Variants in ZNF503 observed in about 807,000 individuals in gnomAD.
ZNF503 encodes NocA-like zinc finger 2.
In ZNF503, 15 loss-of-function variants were observed where a neutral mutation model predicts 34.4. The observed-to-expected ratio is 0.44, with a 90% CI of 0.29 to 0.67. The LOEUF (loss-of-function observed/expected upper bound fraction) is 0.67. ZNF503 is among the 30% of genes least tolerant of loss of function. The pLI, the probability that ZNF503 is intolerant of heterozygous loss-of-function variation, is 0.13. For missense variants in ZNF503, 1,007 were observed against 926.8 expected, an observed-to-expected ratio of 1.09 and a Z score of -1.12; for synonymous variants, 580 against 456.8, an observed-to-expected ratio of 1.27 and a Z score of -3.44.
At chr10:75,370,141 C>T in the ZNF503 span, among the ~76,000 whole-genome samples, 2 of 152,046 alleles carry the variant, frequency 1.3e-5, no homozygotes, top group East Asian at 1.9e-4. Flanking sequence ...GTACAACAGA[C>T]TTCCACCTTC....
chr10:75,342,253 C>T, the ZNF503 span, among the ~76,000 whole-genome samples: 1 of 152,176 alleles, frequency 6.6e-6, no homozygotes, highest in Non-Finnish European at 1.5e-5. Flanking sequence ...GGAGTCCCTT[C>T]CTCCAGACAG....
chr10:75,303,605 G>A, the ZNF503 span, among the ~76,000 whole-genome samples: 1 of 152,206 alleles, frequency 6.6e-6, no homozygotes, highest in African/African-American at 2.4e-5. Context: ...TCTGGAGTGA[G>A]TAGACACTCT....
the ZNF503 span, among the ~76,000 whole-genome samples, chr10:75,390,283 T>C: frequency 6.6e-6 from 1 of 152,038 alleles, no homozygotes; most frequent in African/African-American, 2.4e-5. Flanking sequence ...TTTCCTCTTC[T>C]TCCTCTTTAT....
In ZNF503 at chr10:75,399,499, G is replaced by GGCCGCC. The variant is rs765706601; in HGVS notation, c.1185_1190dup (p.Ala398_Ala399dup). The GGCCGCC allele has an allele frequency of 1.3e-6, 2 of 1,569,736 alleles. No homozygotes were observed. The highest frequency in any genetic ancestry group is 1.3e-5 in the African/African-American group (1 of 74,224). ...TACTGCAGCCCAGAGACCCGGCCGC[G>GGCCGCC]GCCGCCGCCAGCTGCGCCCCCACCA... On this transcript the variant is annotated inframe_insertion, in exon 2 of 2. Coordinates refer to ENST00000372524, the MANE Select transcript of ZNF503 (RefSeq NM_032772.6).
chr10:75,352,839 G>A, the ZNF503 span, among the ~76,000 whole-genome samples: 5 of 152,234 alleles, frequency 3.3e-5, no homozygotes, highest in South Asian at 2.1e-4. Flanking sequence ...CTGAGAGTAC[G>A]GGATGGACCA....
chr10:75,304,281 G>T, the ZNF503 span, among the ~76,000 whole-genome samples: 1 of 152,124 alleles, frequency 6.6e-6, no homozygotes, highest in Admixed American at 6.5e-5. Context: ...ACCTTACTTT[G>T]TCTAAAGCCT....
the ZNF503 span, chr10:75,299,112 G>A: frequency 6.6e-6 from 1 of 151,600 alleles, no homozygotes; most frequent in South Asian, 2.1e-4. Context: ...TGTGTTTTTA[G>A]TAGACATGAG....
chr10:75,323,039 C>T, the ZNF503 span, among the ~76,000 whole-genome samples: 1 of 152,166 alleles, frequency 6.6e-6, no homozygotes, highest in African/African-American at 2.4e-5. Context: ...CAATCCATTA[C>T]TCCAAAATTC....
chr10:75,370,645 G>T, the ZNF503 span, among the ~76,000 whole-genome samples: 1 of 151,858 alleles, frequency 6.6e-6, no homozygotes, highest in Non-Finnish European at 1.5e-5. Context: ...TAGGCATGGT[G>T]GTGCATGCCT....
chr10:75,328,058 ACT>A, the ZNF503 span, among the ~76,000 whole-genome samples: 3 of 151,742 alleles, frequency 2.0e-5, no homozygotes, highest in African/African-American at 7.3e-5. Context: ...TTGTCTCTTC[ACT>A]CTGTTAATTG....
At chr10:75,350,113 C>A in the ZNF503 span, among the ~76,000 whole-genome samples, 1 of 152,198 alleles carries the variant, frequency 6.6e-6, no homozygotes. Flanking sequence ...TATGGATTTA[C>A]AGTTTCAGGA....
the ZNF503 span, among the ~76,000 whole-genome samples, chr10:75,304,384 G>A: frequency 6.6e-6 from 1 of 152,056 alleles, no homozygotes; most frequent in African/African-American, 2.4e-5. Flanking sequence ...AGTAAACTTG[G>A]TTATTAGTGA....
the ZNF503 span, among the ~76,000 whole-genome samples, chr10:75,306,186 C>A: frequency 1.3e-5 from 2 of 152,130 alleles, no homozygotes; most frequent in South Asian, 2.1e-4. Context: ...TCTCCACATC[C>A]TTGCCAACAA....
the ZNF503 span, among the ~76,000 whole-genome samples, chr10:75,339,929 T>C: frequency 6.6e-6 from 1 of 151,718 alleles, no homozygotes; most frequent in African/African-American, 2.4e-5. Flanking sequence ...AAAATAATAA[T>C]AATAAACTGG....
chr10:75,284,520 A>G, the ZNF503 span, among the ~76,000 whole-genome samples: 1 of 152,190 alleles, frequency 6.6e-6, no homozygotes, highest in East Asian at 1.9e-4. Context: ...ACCCCTACCC[A>G]GGTCCAGAAC....
the ZNF503 span, among the ~76,000 whole-genome samples, chr10:75,336,793 C>G: frequency 0.011 from 1,690 of 152,258 alleles, 32 homozygotes; most frequent in African/African-American, 0.039. Context: ...CTGAGGTCCC[C>G]ATCTTCTTGC....
In ZNF503 at chr10:75,399,567, G is replaced by A; in HGVS notation, c.1123C>T (p.Leu375=). 1 of 1,596,338 alleles carries A rather than the reference G, an allele frequency of 6.3e-7. No individual in the cohort carries two copies. Among genetic ancestry groups the A allele is most frequent in the South Asian group, 1.1e-5 (1 of 90,804 alleles). ...GGGTCAAGTGCCACGCCGTGTGGCA[G>A]GAACTGGGGCGGGTAGCCGGCGTAG... is the stretch of plus-strand genomic sequence containing the variant. ...GAYAGYPPQF[L]PHGVALDPTK... is the part of the protein sequence containing the mutation. The change falls in exon 2 of 2, where the codon CTG becomes TTG. Residue 375 remains leucine, a synonymous_variant. Coordinates refer to ENST00000372524, the MANE Select transcript of ZNF503 (RefSeq NM_032772.6).
the ZNF503 span, among the ~76,000 whole-genome samples, chr10:75,354,736 A>G: frequency 6.6e-6 from 1 of 152,030 alleles, no homozygotes; most frequent in Non-Finnish European, 1.5e-5. Flanking sequence ...CAAACAAACA[A>G]AAAAAAACTT....
the ZNF503 span, among the ~76,000 whole-genome samples, chr10:75,366,032 T>G: frequency 2.0e-5 from 3 of 152,276 alleles, no homozygotes; most frequent in East Asian, 5.8e-4. Context: ...ACATTTGAAG[T>G]GGAGATTACC....
Sources: allele counts gnomAD v4.1 joint callset (sites outside exome capture counted in the v4.1 genomes callset), GRCh38; gene constraint gnomAD v4.1.1; transcripts MANE v1.5; gene names NCBI Gene and HGNC (gene_info 2026-07-23, HGNC 2026-07-21).